Variants in LGSN observed in about 807,000 individuals in gnomAD.
LGSN encodes lengsin, lens protein with glutamine synthetase domain.
Under a neutral mutation model 19.5 loss-of-function variants are expected in LGSN, and 21 were observed. The observed-to-expected ratio is 1.07, with a 90% CI of 0.76 to 1.55. The LOEUF (loss-of-function observed/expected upper bound fraction) is 1.55. Ranked by LOEUF, LGSN falls within the 40% of genes most tolerant of loss-of-function variation. The probability of loss-of-function intolerance (pLI) is 0.00; values close to 1 mark genes in which losing one functional copy is unlikely to be tolerated. For synonymous variants in LGSN, 257 were observed against 215.6 expected (o/e 1.19, Z -1.68); for missense variants, 673 against 608.5 (o/e 1.11, Z -1.12).
chr6:63,296,744 C>T (rs1222427936), intron 1 of LGSN, among the ~76,000 whole-genome samples: 6 of 152,048 alleles, frequency 3.9e-5, no homozygotes, highest in South Asian at 2.1e-4. Flanking sequence ...AAATTAAGCA[C>T]ATTGTCAAGC....
rs1767921104 is a variant in LGSN at position 63,294,953 on chromosome 6, A to C, written c.123T>G (p.Cys41Trp). Residue 41 changes from cysteine (C) to tryptophan (W), a missense_variant, in exon 2 of 4, where the codon TGT (cysteine) becomes TGG (tryptophan). Coordinates refer to ENST00000370657, the MANE Select transcript of LGSN (RefSeq NM_016571.3). ...TRKKVTKPYV[C>W]STEVGETDMS... ...TATCCGTTTCTCCCACTTCAGTTGAACAAACATATGGTTTAGTGACTTTCT... is the reference window on the plus strand; with the variant it reads ...TATCCGTTTCTCCCACTTCAGTTGACCAAACATATGGTTTAGTGACTTTCT... 1.2e-6 allele frequency: 2 copies of C among 1,613,948 alleles called. No homozygotes were observed. The highest frequency in any genetic ancestry group is 1.1e-5 in the South Asian group (1 of 91,082).
the LGSN span, among the ~76,000 whole-genome samples, chr6:63,526,803 G>GTATATATATATATATATATA: frequency 4.8e-4 from 49 of 101,416 alleles, no homozygotes; most frequent in African/African-American, 1.6e-3. Context: ...TCTCAAAAAT[G>GTATATATATATATATATATA]TATATATATA....
the LGSN span, among the ~76,000 whole-genome samples, chr6:63,365,151 G>T: frequency 2.0e-5 from 3 of 151,900 alleles, no homozygotes; most frequent in Non-Finnish European, 2.9e-5. Context: ...CCAGGAGCTG[G>T]TTTTTTTGAA....
the LGSN span, among the ~76,000 whole-genome samples, chr6:63,352,987 ATCTG>A: frequency 2.9e-3 from 445 of 152,214 alleles, 3 homozygotes; most frequent in African/African-American, 0.01. Context: ...AACAACCTCC[ATCTG>A]TCTTTCTCTG....
At chr6:63,507,535 C>A in the LGSN span, among the ~76,000 whole-genome samples, 9 of 151,940 alleles carry the variant, frequency 5.9e-5, no homozygotes, top group East Asian at 7.7e-4. Context: ...GCATAGTCAC[C>A]TGGTGTTCCA....
In LGSN at chr6:63,280,397, C is replaced by T. The variant is rs759108784; in HGVS notation, c.1154G>A (p.Gly385Glu). The change falls in exon 4 of 4, where the codon GGA (glycine) becomes GAA (glutamate). Residue 385 changes from glycine to glutamate, a missense_variant. Gly to Glu is a moderately conservative substitution (Grantham distance 98). Coordinates refer to ENST00000370657, the MANE Select transcript of LGSN (RefSeq NM_016571.3). ...DLKKSVPTTW[G>E]YNDNSCIFNI... is the part of the protein sequence containing the mutation. ...AAATATACAGCTGTTGTCATTGTAT[C>T]CCCATGTTGTAGGCACACTCTTCTT... is the stretch of plus-strand genomic sequence containing the variant. The T allele has an allele frequency of 6.2e-7, 1 of 1,614,098 alleles. No individual in the cohort carries two copies. The highest frequency in any genetic ancestry group is 2.2e-5 in the East Asian group (1 of 44,864).
Position 63,280,696 on chromosome 6 carries a change from G to A in LGSN, c.855C>T (p.Leu285=), listed in dbSNP as rs1415922323. The A allele has an allele frequency of 1.2e-6, 2 of 1,614,102 alleles. No homozygotes were observed. Among genetic ancestry groups the A allele is most frequent in the Non-Finnish European group, 1.7e-6 (2 of 1,180,014 alleles). ...TTGCCACTTCTTTGACACCTGTTCTGAGGGTAAATGCATTATCAGCTGAGC... is the reference window on the plus strand; with the variant it reads ...TTGCCACTTCTTTGACACCTGTTCTAAGGGTAAATGCATTATCAGCTGAGC... ...GISSADNAFT[L]RTGVKEVARK... is the part of the protein sequence containing the mutation. Residue 285 remains leucine (L), a synonymous_variant, in exon 4 of 4, where the codon CTC becomes CTT. Transcript: ENST00000370657.
the LGSN span, among the ~76,000 whole-genome samples, chr6:63,420,362 A>T: frequency 6.6e-6 from 1 of 152,242 alleles, no homozygotes; most frequent in Non-Finnish European, 1.5e-5. Flanking sequence ...CTGATATGCC[A>T]TTCCATGGGG....
the LGSN span, among the ~76,000 whole-genome samples, chr6:63,422,456 T>C: frequency 1.3e-5 from 2 of 152,310 alleles, 1 homozygote; most frequent in South Asian, 4.1e-4. Context: ...ATATGCAGTA[T>C]ATATGAGAAT....
At chr6:63,389,939 C>CA in the LGSN span, among the ~76,000 whole-genome samples, 2,791 of 148,900 alleles carry the variant, frequency 0.019, 35 homozygotes, top group Non-Finnish European at 0.023. Context: ...CCATCCCCCA[C>CA]AAAAAAAAAT....
At chr6:63,556,365 G>C in the LGSN span, among the ~76,000 whole-genome samples, 1 of 149,644 alleles carries the variant, frequency 6.7e-6, no homozygotes, top group East Asian at 2.0e-4. Flanking sequence ...TTTTTTTGTA[G>C]AGACGAGGTC....
At position 63,279,553 on chromosome 6, in the gene LGSN, A is replaced by G. The variant is rs572904081; in HGVS notation, c.*468T>C. On this transcript the variant is annotated 3_prime_UTR_variant, in exon 4 of 4. Coordinates refer to ENST00000370657, the MANE Select transcript of LGSN (RefSeq NM_016571.3). ...ATGGTGCATACAACCTGGATTCACA[A>G]TATTATTTGATTAGCGAGACTATAT... 1 of 152,936 alleles carries G rather than the reference A, an allele frequency of 6.5e-6. No individual in the cohort carries two copies. Among genetic ancestry groups the G allele is most frequent in the South Asian group, 2.1e-4 (1 of 4,844 alleles). The allele number at this position is 152,936 out of a possible 1,614,324, so 9.5% of individuals were successfully genotyped here. A position where few individuals can be genotyped will look rare whatever the true frequency, so the allele number is the denominator to read the frequency against.
At chr6:63,313,379 T>C (rs935733888) in intron 1 of LGSN, among the ~76,000 whole-genome samples, 3 of 152,038 alleles carry the variant, frequency 2.0e-5, no homozygotes, top group African/African-American at 7.2e-5. Context: ...TAGCCCAGGA[T>C]CTACACCCAG....
At chr6:63,493,646 C>T in the LGSN span, among the ~76,000 whole-genome samples, 4 of 152,190 alleles carry the variant, frequency 2.6e-5, no homozygotes, top group Admixed American at 2.6e-4. Context: ...CCTCCCTTGA[C>T]CTTCCCAGTA....
the LGSN span, among the ~76,000 whole-genome samples, chr6:63,400,115 G>A: frequency 6.6e-6 from 1 of 152,116 alleles, no homozygotes; most frequent in Non-Finnish European, 1.5e-5. Flanking sequence ...GTATCGTGAA[G>A]ATGGCCTGGC....
At chr6:63,409,043 T>A in the LGSN span, among the ~76,000 whole-genome samples, 1 of 152,272 alleles carries the variant, frequency 6.6e-6, no homozygotes, top group South Asian at 2.1e-4. Context: ...CCCAAGTAAC[T>A]AGGACTGTAG....
At chr6:63,400,697 T>C in the LGSN span, among the ~76,000 whole-genome samples, 1 of 152,128 alleles carries the variant, frequency 6.6e-6, no homozygotes, top group African/African-American at 2.4e-5. Context: ...TTATGTACAA[T>C]AAAACATAAA....
chr6:63,480,068 G>T, the LGSN span: 207 of 158,152 alleles, frequency 1.3e-3, 4 homozygotes, highest in East Asian at 0.034. Flanking sequence ...CTCTCTTAGT[G>T]CTAGGCATTC....
At chr6:63,482,912 G>C in the LGSN span, among the ~76,000 whole-genome samples, 23 of 152,244 alleles carry the variant, frequency 1.5e-4, no homozygotes, top group Admixed American at 3.9e-4. Flanking sequence ...TGTTGGCCAG[G>C]CTGGTCTCGA....
Sources: allele counts gnomAD v4.1 joint callset (sites outside exome capture counted in the v4.1 genomes callset), GRCh38; gene constraint gnomAD v4.1.1; transcripts MANE v1.5; gene names NCBI Gene and HGNC (gene_info 2026-07-23, HGNC 2026-07-21).